TANGO6: variants seen among roughly 807,000 people sequenced by gnomAD.
The protein encoded by TANGO6 is transport and golgi organization 6 homolog.
In TANGO6, 90 loss-of-function variants were observed where a neutral mutation model predicts 114.2. That is an observed-to-expected ratio of 0.79 (90% confidence interval 0.66 to 0.94). The LOEUF (loss-of-function observed/expected upper bound fraction) is 0.94. TANGO6 is among the 40% of genes least tolerant of loss of function. TANGO6 has a pLI of 0.00. For missense variants in TANGO6, 1,274 were observed against 1,315.3 expected (o/e 0.97, Z 0.49); for synonymous variants, 477 against 509.8 (o/e 0.94, Z 0.87).
At chr16:68,864,316 G>A (rs551214212) in intron 3 of TANGO6, among the ~76,000 whole-genome samples, 1 of 152,198 alleles carries the variant, frequency 6.6e-6, no homozygotes, top group East Asian at 1.9e-4. Flanking sequence ...GCTCACACCT[G>A]TAAACCCAGC....
chr16:69,057,916 T>C (rs1352911702), intron 17 of TANGO6, among the ~76,000 whole-genome samples: 1 of 152,158 alleles, frequency 6.6e-6, no homozygotes, highest in East Asian at 1.9e-4. Context: ...AACCACAGAC[T>C]ACGCGATTCA....
chr16:68,928,298 A>ATTTTTTTTTTTTTTTTT (rs10701295), intron 13 of TANGO6, among the ~76,000 whole-genome samples: 1 of 98,570 alleles, frequency 1.0e-5, no homozygotes, highest in East Asian at 3.1e-4. Flanking sequence ...CTGAGTGCCA[A>ATTTTTTTTTTTTTTTTT]TTTTTTTTTT....
intron 11 of TANGO6, among the ~76,000 whole-genome samples, chr16:68,912,402 G>A (rs1962935474): frequency 6.6e-6 from 1 of 152,046 alleles, no homozygotes; most frequent in South Asian, 2.1e-4. Flanking sequence ...GGGAGGCTGA[G>A]GTGGGCAGAT....
At chr16:69,016,541 A>G (rs886288250) in intron 15 of TANGO6, among the ~76,000 whole-genome samples, 1 of 152,316 alleles carries the variant, frequency 6.6e-6, no homozygotes, top group Admixed American at 6.5e-5. Flanking sequence ...CTTAGCTACC[A>G]AGAATTGTAA....
intron 15 of TANGO6, among the ~76,000 whole-genome samples, chr16:69,012,488 G>T (rs1479989312): frequency 6.7e-6 from 1 of 148,998 alleles, no homozygotes; most frequent in Non-Finnish European, 1.5e-5. Flanking sequence ...ACCAGGAGGT[G>T]GAGGTTGCAG....
At chr16:69,038,148 G>A (rs532455230) in intron 16 of TANGO6, among the ~76,000 whole-genome samples, 22 of 152,280 alleles carry the variant, frequency 1.4e-4, no homozygotes, top group African/African-American at 5.1e-4. Context: ...TATGTGAGAG[G>A]CCAGGTGCGG....
At chr16:68,963,291 T>C (rs1261248422) in intron 14 of TANGO6, among the ~76,000 whole-genome samples, 1 of 152,028 alleles carries the variant, frequency 6.6e-6, no homozygotes, top group African/African-American at 2.4e-5. Context: ...CTGGCTAATT[T>C]GTGTATGTTT....
At chr16:69,023,470 C>G (rs138300938) in intron 16 of TANGO6, among the ~76,000 whole-genome samples, 1 of 151,888 alleles carries the variant, frequency 6.6e-6, no homozygotes, top group Non-Finnish European at 1.5e-5. Context: ...AAAACAAAAA[C>G]AAAAAATTAT....
At chr16:69,054,849 G>C (rs1185783271) in intron 17 of TANGO6, among the ~76,000 whole-genome samples, 1 of 150,014 alleles carries the variant, frequency 6.7e-6, no homozygotes, top group Non-Finnish European at 1.5e-5. Context: ...CCTGAGGCAG[G>C]AGAATGGCGT....
rs59608096 is a variant in TANGO6, at chr16:68,870,947, A to AT, written c.994+3742dup. ...AGGTGCCAGCCACCACGCCCGGCTA[A>AT]TTTTTTTTTTTTTTTGTATTTTTAG... On this transcript the variant is annotated intron_variant, in intron 4 of 17. Transcript: ENST00000261778. 8.8e-3 allele frequency among the ~76,000 whole-genome samples: 1,228 copies of AT among 140,052 alleles called. 10 individuals are homozygous for AT. Among genetic ancestry groups the AT allele is most frequent in the African/African-American group, 0.021 (806 of 38,746 alleles). 91.9% of individuals were successfully genotyped at this position (140,052 alleles called of 152,430 possible).
chr16:68,875,484 A>C (rs1962339766), intron 5 of TANGO6, among the ~76,000 whole-genome samples, 194 bp downstream of exon 5: 1 of 152,098 alleles, frequency 6.6e-6, no homozygotes, highest in Non-Finnish European at 1.5e-5. Flanking sequence ...AAGAATGACG[A>C]GGCCAGGCGC....
At chr16:68,865,048 C>T (rs532868636) in intron 3 of TANGO6, among the ~76,000 whole-genome samples, 42 of 151,970 alleles carry the variant, frequency 2.8e-4, no homozygotes, top group African/African-American at 9.6e-4. Flanking sequence ...GAGGCCGAGG[C>T]GGGTGGATCA....
At chr16:68,872,915 CT>C (rs1017880746) in intron 4 of TANGO6, among the ~76,000 whole-genome samples, 1 of 151,748 alleles carries the variant, frequency 6.6e-6, no homozygotes, top group Non-Finnish European at 1.5e-5. Context: ...GTTGGCCCGG[CT>C]GGTCTCAAAC....
chr16:69,056,547 C>T (rs1369706177), intron 17 of TANGO6, among the ~76,000 whole-genome samples: 1 of 151,704 alleles, frequency 6.6e-6, no homozygotes, highest in African/African-American at 2.4e-5. Flanking sequence ...TACATGTTAG[C>T]CTATTAAGAA....
chr16:69,067,243 T>A (rs929765185), intron 17 of TANGO6, among the ~76,000 whole-genome samples: 1 of 152,038 alleles, frequency 6.6e-6, no homozygotes, highest in Non-Finnish European at 1.5e-5. Flanking sequence ...GCACGGTGGC[T>A]CATGCCTGTT....
intron 4 of TANGO6, among the ~76,000 whole-genome samples, chr16:68,868,492 ATTTTTT>A (rs765054621): frequency 3.2e-5 from 3 of 93,684 alleles, no homozygotes; most frequent in Non-Finnish European, 6.2e-5. Flanking sequence ...CTATATTTCT[ATTTTTT>A]TTTTTTTTTT....
chr16:68,918,859 C>G (rs2152190649), intron 11 of TANGO6, among the ~76,000 whole-genome samples: 1 of 152,252 alleles, frequency 6.6e-6, no homozygotes, highest in Middle Eastern at 3.4e-3. Context: ...TCCTATCCAT[C>G]TGTCTGTTCA....
At position 68,969,902 on chromosome 16, in the gene TANGO6, G is replaced by T. The variant is rs557565703; in HGVS notation, c.2702-4126G>T. Reference sequence around the variant, plus strand: ...CTTCTTCTCCCTCCCTCTCAGGCTGGCTCTCCCTCTGTGTTGGTGTCATTC... The same window carrying T: ...CTTCTTCTCCCTCCCTCTCAGGCTGTCTCTCCCTCTGTGTTGGTGTCATTC... On this transcript the variant is annotated intron_variant, in intron 14 of 17. Coordinates refer to ENST00000261778, the MANE Select transcript of TANGO6 (RefSeq NM_024562.2). Among the ~76,000 whole-genome samples, 5 of 152,212 alleles carry T rather than the reference G, an allele frequency of 3.3e-5. No homozygotes were observed. The East Asian group carries it at 9.7e-4, about 29-fold the overall frequency.
chr16:68,946,653 C>T (rs984552813), intron 14 of TANGO6, among the ~76,000 whole-genome samples: 1 of 152,080 alleles, frequency 6.6e-6, no homozygotes, highest in African/African-American at 2.4e-5. Flanking sequence ...AGGTGCACAC[C>T]ACCATGCCCA....
Sources: allele counts gnomAD v4.1 joint callset (sites outside exome capture counted in the v4.1 genomes callset), GRCh38; gene constraint gnomAD v4.1.1; transcripts MANE v1.5; gene names NCBI Gene and HGNC (gene_info 2026-07-23, HGNC 2026-07-21).